MACO1: variants seen among roughly 807,000 people sequenced by gnomAD.
The protein encoded by MACO1 is macoilin.
A neutral mutation model predicts 78.7 loss-of-function variants in MACO1; 14 were observed. The ratio of observed to expected loss-of-function variants is 0.18; its 90% CI spans 0.12 to 0.28. The LOEUF (loss-of-function observed/expected upper bound fraction) is 0.28. Ranked by LOEUF, MACO1 falls within the 10% of genes least tolerant of loss-of-function variation. The probability of loss-of-function intolerance (pLI) is 1.00; values close to 1 mark genes in which losing one functional copy is unlikely to be tolerated. For missense variants in MACO1, 501 were observed against 799.0 expected (o/e 0.63, Z 4.50); for synonymous variants, 288 against 291.6 (o/e 0.99, Z 0.12).
At chr1:25,471,389 C>T (rs941737952) in intron 6 of MACO1, among the ~76,000 whole-genome samples, 2 of 151,914 alleles carry the variant, frequency 1.3e-5, no homozygotes, top group Non-Finnish European at 2.9e-5. Flanking sequence ...ATATATTTCT[C>T]ATGTGCACAG....
rs569288167 is a variant in MACO1 at position 25,458,418 on chromosome 1, C to T, written c.680C>T (p.Ser227Phe). The stretch of plus-strand genomic sequence containing the variant: ...GCCAAAGGATTACCTGATATGGATT[C>T]TTCGATCCTTATACACCACAATGGA... ...EAAKGLPDMD[S>F]SILIHHNGGI... The change falls in exon 6 of 11, where the codon TCT becomes TTT. Residue 227 changes from serine (S) to phenylalanine (F), a missense_variant. This residue lies in a region of MACO1 where 171 missense variants were observed against 292.1 expected (regional missense o/e 0.59). Coordinates refer to ENST00000374343, the MANE Select transcript of MACO1 (RefSeq NM_018202.6). The T allele has an allele frequency of 6.3e-7, 1 of 1,599,626 alleles. No individual in the cohort carries two copies. The highest frequency in any genetic ancestry group is 8.5e-7 in the Non-Finnish European group (1 of 1,176,100).
At chr1:25,480,898 A>G (rs1421774099) in intron 6 of MACO1, among the ~76,000 whole-genome samples, 1 of 133,628 alleles carries the variant, frequency 7.5e-6, no homozygotes, top group African/African-American at 2.9e-5. Context: ...CCTGGGCAAC[A>G]GAGTGAGACT....
intron 6 of MACO1, among the ~76,000 whole-genome samples, chr1:25,463,194 C>CT (rs2043187030): frequency 1.3e-5 from 2 of 152,080 alleles, no homozygotes; most frequent in South Asian, 4.1e-4. Context: ...AAATAGAGTG[C>CT]TTAGTGAATG....
intron 1 of MACO1, 28 bp downstream of exon 1, chr1:25,431,206 G>T: frequency 6.4e-7 from 1 of 1,567,114 alleles, no homozygotes; most frequent in Non-Finnish European, 8.6e-7. Context: ...CACTCCGCGG[G>T]CGCGGGCCCT....
chr1:25,446,203 C>G (rs576142777), intron 1 of MACO1, among the ~76,000 whole-genome samples: 10 of 152,188 alleles, frequency 6.6e-5, no homozygotes, highest in Non-Finnish European at 1.3e-4. Context: ...AAGTTTGTTT[C>G]TGTCTATTTG....
At chr1:25,454,140 A>G in intron 3 of MACO1, 119 bp from the exon 4 acceptor site, 1 of 1,209,214 alleles carries the variant, frequency 8.3e-7, no homozygotes, top group Non-Finnish European at 1.1e-6. Flanking sequence ...TTGCCTTTTA[A>G]TTTAGTTTAG....
chr1:25,480,929 A>ATATAT (rs1165345307), intron 6 of MACO1, among the ~76,000 whole-genome samples: 4 of 47,884 alleles, frequency 8.4e-5, no homozygotes, highest in Admixed American at 3.1e-4. Flanking sequence ...AAAAAAAAAA[A>ATATAT]ATATATATAT....
intron 6 of MACO1, among the ~76,000 whole-genome samples, 191 bp from the exon 7 acceptor site, chr1:25,483,925 A>C (rs61775192): frequency 6.6e-6 from 1 of 151,986 alleles, no homozygotes; most frequent in Admixed American, 6.5e-5. Context: ...CAGTAGGAAG[A>C]GGTAGGGACC....
At chr1:25,478,279 AT>A (rs1428991769) in intron 6 of MACO1, among the ~76,000 whole-genome samples, 1 of 152,178 alleles carries the variant, frequency 6.6e-6, no homozygotes, top group Admixed American at 6.5e-5. Context: ...TACTGTATTT[AT>A]TTTACCACCA....
intron 5 of MACO1, 55 bp downstream of exon 5, chr1:25,456,886 T>G: frequency 1.3e-6 from 2 of 1,516,432 alleles, no homozygotes; most frequent in Non-Finnish European, 8.8e-7. Flanking sequence ...ATTTTGTCTC[T>G]TGGTAGAATT....
intron 6 of MACO1, among the ~76,000 whole-genome samples, chr1:25,470,917 A>C (rs184928495): frequency 1.3e-5 from 2 of 152,190 alleles, no homozygotes; most frequent in Middle Eastern, 3.4e-3. Flanking sequence ...AGTCCCAGCT[A>C]CTCAGGAGGC....
intron 10 of MACO1, among the ~76,000 whole-genome samples, chr1:25,496,889 G>A (rs1209392828): frequency 1.3e-5 from 2 of 152,188 alleles, no homozygotes; most frequent in Non-Finnish European, 2.9e-5. Context: ...TATACCTTGA[G>A]CAAGTCACTC....
chr1:25,473,588 T>A (rs746113735), intron 6 of MACO1, among the ~76,000 whole-genome samples: 2 of 152,220 alleles, frequency 1.3e-5, no homozygotes, highest in Non-Finnish European at 2.9e-5. Context: ...GAAGGAACTA[T>A]TACAAAACTT....
chr1:25,451,355 A>G (rs1327170401), intron 3 of MACO1, among the ~76,000 whole-genome samples: 4 of 152,234 alleles, frequency 2.6e-5, no homozygotes, highest in Non-Finnish European at 5.9e-5. Flanking sequence ...AAAACAGGAT[A>G]TAAAACTGTA....
chr1:25,491,466 C>T lies in MACO1; in HGVS notation c.1674C>T (p.Leu558=). The T allele has an allele frequency of 6.2e-7, 1 of 1,614,246 alleles. No individual in the cohort carries two copies. The change falls in exon 10 of 11, where the codon CTC becomes CTT. Residue 558 remains leucine (L), a synonymous_variant. Coordinates refer to ENST00000374343, the MANE Select transcript of MACO1 (RefSeq NM_018202.6). ...ACACTGAGGTGTTAATGTCAGCCCT[C>T]TCAGCCATGCAAGACAAAACACAGC... ...EKDTEVLMSA[L]SAMQDKTQHL...
intron 1 of MACO1, among the ~76,000 whole-genome samples, chr1:25,440,781 A>AG (rs2042965184): frequency 6.6e-6 from 1 of 151,914 alleles, no homozygotes; most frequent in African/African-American, 2.4e-5. Context: ...AAAAAAAAAA[A>AG]AAAAGAAAAG....
chr1:25,454,389 A>T lies in MACO1; in HGVS notation c.473+7A>T, dbSNP rs1459122611. ...GTCCATTTGCTGCTCACTGGTAAGT[A>T]TTACATAAATGTATGTGTGTGTGTG... is the stretch of plus-strand genomic sequence containing the variant. On this transcript the variant is annotated splice_region_variant and intron_variant, in intron 4 of 10. Coordinates refer to ENST00000374343, the MANE Select transcript of MACO1 (RefSeq NM_018202.6). The T allele has an allele frequency of 1.9e-6, 3 of 1,591,900 alleles. No homozygotes were observed. Among genetic ancestry groups the T allele is most frequent in the African/African-American group, 2.7e-5 (2 of 73,516 alleles).
In MACO1 at chr1:25,456,844, C is replaced by T; in HGVS notation, c.652+13C>T. On this transcript the variant is annotated intron_variant, in intron 5 of 10. Transcript: ENST00000374343. ...GAGGCCGAGGAAGGTAGGTCTTTAC[C>T]CTAAAGCTGTTGGCTCAATAGGCTA... 1 of 1,580,092 alleles carries T rather than the reference C, an allele frequency of 6.3e-7. No homozygotes were observed.
Position 25,461,965 on chromosome 1 carries a change from G to A in MACO1, c.1154+3073G>A, listed in dbSNP as rs116659878. Among the ~76,000 whole-genome samples, 542 of 152,272 alleles carry A rather than the reference G, an allele frequency of 3.6e-3. 1 individual carries two copies. Among genetic ancestry groups the A allele is most frequent in the African/African-American group, 0.012 (514 of 41,546 alleles). ...CTGAGCAGATTATCCAGCTTGGTTG[G>A]AGGAGGTCTTATCTTACTTCCTCCC... On this transcript the variant is annotated intron_variant, in intron 6 of 10. Transcript: ENST00000374343.
Sources: gnomAD v4.1 joint callset for allele counts (sites outside exome capture counted in the v4.1 genomes callset) on GRCh38, gnomAD v4.1.1 for gene constraint, gnomAD v4.1.1 regional missense constraint, MANE v1.5 for transcripts, NCBI Gene and HGNC (gene_info 2026-07-23, HGNC 2026-07-21) for gene names.